CDNF: variants seen among roughly 807,000 people sequenced by gnomAD.
CDNF encodes cerebral dopamine neurotrophic factor, also known as ARMET-like protein 1.
Under a neutral mutation model 14.8 loss-of-function variants are expected in CDNF, and 9 were observed. The ratio of observed to expected loss-of-function variants is 0.61; its 90% CI spans 0.37 to 1.06. CDNF has a LOEUF of 1.06. Ranked by LOEUF, CDNF falls within the 50% of genes least tolerant of loss-of-function variation. The pLI is 0.01. For missense variants in CDNF, 228 were observed against 228.4 expected (o/e 1.00, Z 0.01); for synonymous variants, 86 against 87.2 (o/e 0.99, Z 0.07).
In CDNF at chr10:14,819,674, A is replaced by G. The variant is rs1045259176; in HGVS notation, c.*306T>C. ...CTCTGAATGCCTTCTTCTTTCTTGG[A>G]ATCAATTTACTCCATCAATTTGTCA... On this transcript the variant is annotated 3_prime_UTR_variant, in exon 4 of 4. Coordinates refer to ENST00000465530, the MANE Select transcript of CDNF (RefSeq NM_001029954.3). 1 of 226,884 alleles carries G rather than the reference A, an allele frequency of 4.4e-6. No homozygotes were observed. Among genetic ancestry groups the G allele is most frequent in the Non-Finnish European group, 8.5e-6 (1 of 117,620 alleles). The allele number at this position is 226,884 out of a possible 1,614,324, so 14.1% of individuals were successfully genotyped here.
chr10:14,825,724 C>T (rs1375998198), intron 2 of CDNF, 104 bp from the exon 3 acceptor site: 4 of 1,247,184 alleles, frequency 3.2e-6, no homozygotes, highest in Non-Finnish European at 4.6e-6. Context: ...GTAGGCTGGA[C>T]ATGGTGGCTC....
chr10:14,825,942 C>A (rs1588794658), intron 2 of CDNF, among the ~76,000 whole-genome samples: 1 of 149,348 alleles, frequency 6.7e-6, no homozygotes, highest in East Asian at 2.0e-4. Context: ...CAGAGTGAGA[C>A]TCCATCTCAA....
intron 3 of CDNF, among the ~76,000 whole-genome samples, chr10:14,820,901 TAGTG>T (rs1339696270): frequency 1.3e-5 from 2 of 152,086 alleles, no homozygotes; most frequent in African/African-American, 4.8e-5. Context: ...TTTCTCATGA[TAGTG>T]AGTGAGTTCA....
At chr10:14,826,062 A>G (rs61843029) in intron 2 of CDNF, among the ~76,000 whole-genome samples, 1 of 136,760 alleles carries the variant, frequency 7.3e-6, no homozygotes, top group African/African-American at 3.0e-5. Flanking sequence ...GAAGAAGAAG[A>G]AGAAGAAGAA....
chr10:14,837,561 T>C (rs1041969218), intron 1 of CDNF, among the ~76,000 whole-genome samples: 4 of 152,238 alleles, frequency 2.6e-5, no homozygotes, highest in African/African-American at 7.2e-5. Context: ...CTAGCATTCT[T>C]TGCACAAACT....
intron 3 of CDNF, 37 bp from the exon 4 acceptor site, chr10:14,820,195 A>T (rs774531149): frequency 1.3e-6 from 2 of 1,598,444 alleles, no homozygotes; most frequent in South Asian, 2.2e-5. Context: ...ATTACAAAAT[A>T]AATGGAAAAA....
At position 14,820,085 on chromosome 10, in the gene CDNF, G is replaced by GCT. The variant is rs762016430; in HGVS notation, c.457_458dup (p.Ser153ArgfsTer17). 1.9e-6 allele frequency: 3 copies of GCT among 1,614,158 alleles called. No homozygotes were observed. The highest frequency in any genetic ancestry group is 3.3e-5 in the Admixed American group (2 of 60,018). ...CACAGGCCCTGCACTCCTCCCCCCA[G>GCT]CTATGCAGGATCTGCTTCAGCTCTG... On this transcript the variant is annotated frameshift_variant, in exon 4 of 4. Transcript: ENST00000465530. LOFTEE classifies it low-confidence loss of function (END_TRUNC).
At chr10:14,837,199 A>T (rs1833899119) in intron 1 of CDNF, among the ~76,000 whole-genome samples, 1 of 152,204 alleles carries the variant, frequency 6.6e-6, no homozygotes, top group African/African-American at 2.4e-5. Flanking sequence ...AAGTACGCTG[A>T]TTTTGCAAAA....
chr10:14,826,029 G>GA (rs1833779022), intron 2 of CDNF, among the ~76,000 whole-genome samples: 3 of 86,114 alleles, frequency 3.5e-5, no homozygotes, highest in African/African-American at 1.0e-4. Context: ...GAAGAAGAAG[G>GA]AGAAGAAGAA....
At chr10:14,831,199 C>T (rs1588798101) in intron 1 of CDNF, among the ~76,000 whole-genome samples, 1 of 152,244 alleles carries the variant, frequency 6.6e-6, no homozygotes, top group African/African-American at 2.4e-5. Flanking sequence ...ACTCTCCTAA[C>T]TTGGAAATGC....
At chr10:14,826,393 G>A (rs72772412) in intron 2 of CDNF, among the ~76,000 whole-genome samples, 9,338 of 151,432 alleles carry the variant, frequency 0.062, 358 homozygotes, top group East Asian at 0.12. Flanking sequence ...AGAAGAAGCA[G>A]AAGAAGCAGC....
At position 14,826,014 on chromosome 10, in the gene CDNF, CAGAAGAAGAAGAAGGAGAAGA is replaced by C. The variant is rs1455407045; in HGVS notation, c.244-415_244-395del. Among the ~76,000 whole-genome samples, 34 of 92,838 alleles carry C rather than the reference CAGAAGAAGAAGAAGGAGAAGA, an allele frequency of 3.7e-4. 2 individuals carry two copies. The highest frequency in any genetic ancestry group is 1.8e-3 in the East Asian group (5 of 2,790). 60.9% of individuals were successfully genotyped at this position (92,838 alleles called of 152,430 possible). ...GAAGAAGCAGCAGAAGAAGCAGAAG[CAGAAGAAGAAGAAGGAGAAGA>C]AGAAGAAGAAGAAGAAGAAGAAGAA... On this transcript the variant is annotated intron_variant, in intron 2 of 3. Transcript: ENST00000465530.
Position 14,819,677 on chromosome 10 carries a change from C to T in CDNF, c.*303G>A, listed in dbSNP as rs11815808. 0.01 allele frequency: 2,389 copies of T among 231,818 alleles called. 65 individuals are homozygous for T. Among genetic ancestry groups the T allele is most frequent in the African/African-American group, 0.049 (2,188 of 44,400 alleles). The allele number at this position is 231,818 out of a possible 1,614,324, so 14.4% of individuals were successfully genotyped here. On this transcript the variant is annotated 3_prime_UTR_variant, in exon 4 of 4. Transcript: ENST00000465530. ...TGAATGCCTTCTTCTTTCTTGGAAT[C>T]AATTTACTCCATCAATTTGTCAGTA...
chr10:14,826,505 AG>A (rs1410155265), intron 2 of CDNF, among the ~76,000 whole-genome samples: 25 of 151,960 alleles, frequency 1.6e-4, no homozygotes, highest in East Asian at 3.9e-4. Context: ...AAGAAGAAAA[AG>A]AAGCAGCAGA....
intron 1 of CDNF, among the ~76,000 whole-genome samples, chr10:14,830,095 T>G (rs1359082491): frequency 2.6e-5 from 4 of 152,222 alleles, no homozygotes; most frequent in African/African-American, 7.2e-5. Context: ...GGATTTGTAT[T>G]TGTATTTCTC....
At chr10:14,822,169 G>T (rs2131621302) in intron 3 of CDNF, among the ~76,000 whole-genome samples, 1 of 152,218 alleles carries the variant, frequency 6.6e-6, no homozygotes, top group Non-Finnish European at 1.5e-5. Flanking sequence ...CAATGCTAGG[G>T]CTTTGGTGCC....
At chr10:14,820,202 A>C in intron 3 of CDNF, 44 bp from the exon 4 acceptor site, 1 of 1,589,432 alleles carries the variant, frequency 6.3e-7, no homozygotes, top group Non-Finnish European at 8.6e-7. Context: ...AATAAATGGA[A>C]AAAAAATCCC....
intron 3 of CDNF, among the ~76,000 whole-genome samples, chr10:14,824,592 C>T (rs150262667): frequency 0.015 from 1,964 of 130,920 alleles, 50 homozygotes; most frequent in African/African-American, 0.052. Context: ...GGTGATAGAG[C>T]GAGACTTCCC....
At chr10:14,837,377 T>C (rs1833901279) in intron 1 of CDNF, among the ~76,000 whole-genome samples, 1 of 152,230 alleles carries the variant, frequency 6.6e-6, no homozygotes, top group Non-Finnish European at 1.5e-5. Context: ...TACAGAGTCC[T>C]AACAAATATT....
Sources: allele counts gnomAD v4.1 joint callset (sites outside exome capture counted in the v4.1 genomes callset), GRCh38; gene constraint gnomAD v4.1.1; transcripts MANE v1.5; gene names NCBI Gene and HGNC (gene_info 2026-07-23, HGNC 2026-07-21).